The following CNGB3 variants were observed in gnomAD, a reference collection of about 807,000 sequenced individuals.
CNGB3 encodes cyclic nucleotide gated channel subunit beta 3.
In CNGB3, 86 loss-of-function variants were observed where a neutral mutation model predicts 92.8. The ratio of observed to expected loss-of-function variants is 0.93; its 90% CI spans 0.78 to 1.11. CNGB3 has a LOEUF of 1.11. Ranked by LOEUF, CNGB3 falls within the 50% of genes least tolerant of loss-of-function variation. The pLI, the probability that CNGB3 is intolerant of heterozygous loss-of-function variation, is 0.00. For synonymous variants in CNGB3, 333 were observed against 332.7 expected (o/e 1.00, Z -0.01); for missense variants, 1,026 against 956.8 (o/e 1.07, Z -0.95).
chr8:86,721,804 C>A (rs556333448), intron 3 of CNGB3, among the ~76,000 whole-genome samples: 35 of 152,060 alleles, frequency 2.3e-4, no homozygotes, highest in Non-Finnish European at 3.8e-4. Flanking sequence ...CATTCCTTTT[C>A]TATTTCAACT....
At chr8:86,679,949 G>A (rs765292438) in intron 3 of CNGB3, among the ~76,000 whole-genome samples, 1 of 152,156 alleles carries the variant, frequency 6.6e-6, no homozygotes, top group Non-Finnish European at 1.5e-5. Context: ...CATCTACGAG[G>A]AAGAGAGGCG....
At chr8:86,682,472 G>A (rs1824099668) in intron 3 of CNGB3, among the ~76,000 whole-genome samples, 2 of 152,062 alleles carry the variant, frequency 1.3e-5, no homozygotes, top group South Asian at 4.2e-4. Context: ...TTTGACAGGG[G>A]GATTGTAGAA....
chr8:86,732,649 T>C (rs1167453735), intron 2 of CNGB3, among the ~76,000 whole-genome samples: 1 of 152,216 alleles, frequency 6.6e-6, no homozygotes, highest in Admixed American at 6.5e-5. Context: ...TATGTCTCTG[T>C]CTCTTGCCAA....
intron 14 of CNGB3, among the ~76,000 whole-genome samples, chr8:86,610,423 A>G (rs922720962): frequency 6.7e-6 from 1 of 150,152 alleles, no homozygotes; most frequent in African/African-American, 2.5e-5. Context: ...CTTAGCTCAC[A>G]TTCTTTCCTC....
At chr8:86,719,522 A>G (rs952893039) in intron 3 of CNGB3, among the ~76,000 whole-genome samples, 2 of 152,156 alleles carry the variant, frequency 1.3e-5, no homozygotes, top group East Asian at 3.9e-4. Context: ...GAAATCACAA[A>G]CAACACAAAC....
chr8:86,701,448 G>A (rs1824554037), intron 3 of CNGB3, among the ~76,000 whole-genome samples: 1 of 152,062 alleles, frequency 6.6e-6, no homozygotes, highest in Non-Finnish European at 1.5e-5. Context: ...GACAAGCTTT[G>A]GAGGACATCT....
intron 13 of CNGB3, among the ~76,000 whole-genome samples, chr8:86,622,897 C>T (rs1300704531): frequency 6.6e-6 from 1 of 152,080 alleles, no homozygotes; most frequent in East Asian, 1.9e-4. Context: ...TTTATATGAT[C>T]ATCAAAATAT....
At chr8:86,683,097 C>T (rs1420442853) in intron 3 of CNGB3, among the ~76,000 whole-genome samples, 1 of 152,030 alleles carries the variant, frequency 6.6e-6, no homozygotes, top group Non-Finnish European at 1.5e-5. Context: ...ATTTACACAG[C>T]TTTTTTCTCT....
At chr8:86,615,461 G>C (rs186069028) in intron 13 of CNGB3, among the ~76,000 whole-genome samples, 12 of 151,988 alleles carry the variant, frequency 7.9e-5, no homozygotes, top group South Asian at 2.1e-4. Flanking sequence ...AAATTAGCTG[G>C]GCATGGTGAC....
rs188478579 is a variant in CNGB3 at position 86,715,831 on chromosome 8, G to T, written c.338+10700C>A. Among the ~76,000 whole-genome samples, 165 of 115,388 alleles carry T rather than the reference G, an allele frequency of 1.4e-3. 1 individual carries two copies. The highest frequency in any genetic ancestry group is 5.1e-3 in the African/African-American group (156 of 30,330). The allele number at this position is 115,388 out of a possible 152,430, so 75.7% of individuals were successfully genotyped here. On this transcript the variant is annotated intron_variant, in intron 3 of 17. Transcript: ENST00000320005. ...CACACACTGGGGCCTGTCGTGGGGT[G>T]GGGGGAGGGGGGAGGGATAGCATTA...
chr8:86,680,489 T>C lies in CNGB3; in HGVS notation c.339-9391A>G, dbSNP rs555732761. Among the ~76,000 whole-genome samples the C allele has an allele frequency of 2.6e-4, 40 of 152,298 alleles. 1 individual carries two copies. The highest frequency in any genetic ancestry group is 2.3e-3 in the South Asian group (11 of 4,830). ...GACCAGAAGGGGCCATGGTCAACCATTGGGGTGATTCCACACCAATTGCAT... is the reference window on the plus strand; with the variant it reads ...GACCAGAAGGGGCCATGGTCAACCACTGGGGTGATTCCACACCAATTGCAT... On this transcript the variant is annotated intron_variant, in intron 3 of 17. Transcript: ENST00000320005.
intron 3 of CNGB3, among the ~76,000 whole-genome samples, chr8:86,695,352 A>G (rs536985828): frequency 1.1e-5 from 1 of 92,190 alleles, no homozygotes; most frequent in East Asian, 3.0e-4. Flanking sequence ...GCCTTTGTTC[A>G]TTTTTTAAAA....
chr8:86,651,680 T>C (rs559979296), intron 7 of CNGB3, among the ~76,000 whole-genome samples: 1 of 152,046 alleles, frequency 6.6e-6, no homozygotes, highest in Admixed American at 6.6e-5. Flanking sequence ...TCATTGACCA[T>C]TTTTGGCACA....
chr8:86,603,928 G>A (rs1232825280), intron 15 of CNGB3, among the ~76,000 whole-genome samples, 165 bp downstream of exon 15: 5 of 152,184 alleles, frequency 3.3e-5, no homozygotes, highest in South Asian at 2.1e-4. Context: ...TCCTTAGGTC[G>A]CTTTGGTGAA....
Position 86,601,627 on chromosome 8 carries a change from T to C in CNGB3, c.1781+2466A>G, listed in dbSNP as rs377307164. Among the ~76,000 whole-genome samples, 11 of 152,288 alleles carry C rather than the reference T, an allele frequency of 7.2e-5. 1 individual carries two copies. The East Asian group carries it at 1.4e-3, about 19-fold the overall frequency. ...AGCATTTTTGAGTAGTAAACACTAT[T>C]ACTAGATCTTTCCAGTATCTGGATG... On this transcript the variant is annotated intron_variant, in intron 15 of 17. Transcript: ENST00000320005.
At chr8:86,659,647 A>C (rs1286459802) in intron 6 of CNGB3, 1 of 488,360 alleles carries the variant, frequency 2.0e-6, no homozygotes, top group Admixed American at 2.4e-5. Context: ...GCAGCTGGCC[A>C]GATCCTTTGA....
rs1823624914 is a variant in CNGB3 at position 86,660,755 on chromosome 8, A to T, written c.852+6170T>A. ...ATATCCTCCTGAGAGAACAGGTAAC[A>T]CCACTCAAACAAATGGAGGATAAAA... On this transcript the variant is annotated intron_variant, in intron 6 of 17. Transcript: ENST00000320005. The T allele has an allele frequency of 5.7e-6, 3 of 525,228 alleles. No individual in the cohort carries two copies. The Admixed American group carries it at 5.9e-5, about 10-fold the overall frequency. 32.5% of individuals were successfully genotyped at this position (525,228 alleles called of 1,614,324 possible).
rs1554614988 is a variant in CNGB3 at position 86,679,506 on chromosome 8, T to TTTCC, written c.339-8409_339-8408insGGAA. ...ATAGGATTGATAGGATTGGTGTCCTTTTTCTTTCTTTCTTTCTTTTTCTTT... is the reference window on the plus strand; with the variant it reads ...ATAGGATTGATAGGATTGGTGTCCTTTTCCTTTCTTTCTTTCTTTCTTTTTCTTT... On this transcript the variant is annotated intron_variant, in intron 3 of 17. Transcript: ENST00000320005. 1.4e-3 allele frequency among the ~76,000 whole-genome samples: 210 copies of TTTCC among 147,956 alleles called. 2 individuals are homozygous for TTTCC. Among genetic ancestry groups the TTTCC allele is most frequent in the Non-Finnish European group, 2.5e-4 (17 of 67,086 alleles).
intron 3 of CNGB3, among the ~76,000 whole-genome samples, chr8:86,695,601 A>G (rs1258677550): frequency 3.3e-5 from 5 of 151,196 alleles, no homozygotes; most frequent in African/African-American, 1.2e-4. Context: ...GTTGGTTTTC[A>G]CCTTTCTCTG....
Sources: gnomAD v4.1 joint callset for allele counts (sites outside exome capture counted in the v4.1 genomes callset) on GRCh38, gnomAD v4.1.1 for gene constraint, MANE v1.5 for transcripts, NCBI Gene and HGNC (gene_info 2026-07-23, HGNC 2026-07-21) for gene names.